The following ACSM1 variants were observed in gnomAD, a reference collection of about 807,000 sequenced individuals.
ACSM1 encodes the protein acyl-coenzyme A synthetase ACSM1, mitochondrial.
Under a neutral mutation model 75.8 loss-of-function variants are expected in ACSM1, and 79 were observed. The ratio of observed to expected loss-of-function variants is 1.04; its 90% CI spans 0.87 to 1.26. ACSM1 has a LOEUF of 1.26. Ranked by LOEUF, ACSM1 falls within the 50% of genes most tolerant of loss-of-function variation. The pLI is 0.00. For missense variants in ACSM1, 676 were observed against 720.1 expected (o/e 0.94, Z 0.70); for synonymous variants, 279 against 265.8 (o/e 1.05, Z -0.48).
At chr16:20,635,596 CTTTCTTTCTTTCTTTCTTT>C (rs1265727295) in intron 10 of ACSM1, among the ~76,000 whole-genome samples, 6 of 25,048 alleles carry the variant, frequency 2.4e-4, no homozygotes, top group African/African-American at 2.1e-3. Flanking sequence ...TTCTTTCTTT[CTTTCTTTCTTTCTTTCTTT>C]CTTTCTTTCT....
intron 4 of ACSM1, chr16:20,679,593 G>A (rs1450329297): frequency 6.6e-6 from 1 of 152,164 alleles, no homozygotes; most frequent in Non-Finnish European, 1.5e-5. Flanking sequence ...ATACACTAAT[G>A]TTGTTACCAT....
chr16:20,671,440 G>GACACACACACACACACACACAC, intron 5 of ACSM1, 91 bp downstream of exon 5: 1 of 969,886 alleles, frequency 1.0e-6, no homozygotes. Flanking sequence ...CCTTTCCCAA[G>GACACACACACACACACACACAC]ACACACACAC....
chr16:20,673,684 A>C (rs1385335543), intron 4 of ACSM1, among the ~76,000 whole-genome samples: 2 of 152,178 alleles, frequency 1.3e-5, no homozygotes, highest in Non-Finnish European at 2.9e-5. Context: ...GTTTGCTCCC[A>C]AAGCTACCTA....
chr16:20,628,182 G>A (rs1186511532), intron 10 of ACSM1, among the ~76,000 whole-genome samples: 2 of 151,926 alleles, frequency 1.3e-5, no homozygotes, highest in Non-Finnish European at 2.9e-5. Flanking sequence ...GTGGATCGAT[G>A]CCCTGTACTC....
At chr16:20,691,751 A>ACGTGTG (rs1453597498) in intron 1 of ACSM1, among the ~76,000 whole-genome samples, 10 of 134,106 alleles carry the variant, frequency 7.5e-5, no homozygotes, top group South Asian at 2.5e-4. Flanking sequence ...TACCTCTCCA[A>ACGTGTG]TGTGTGTGTG....
intron 7 of ACSM1, among the ~76,000 whole-genome samples, chr16:20,646,287 C>T (rs1346780988): frequency 6.6e-6 from 1 of 152,198 alleles, no homozygotes; most frequent in African/African-American, 2.4e-5. Flanking sequence ...AAGCCACCCC[C>T]TTGTCCATGC....
chr16:20,688,722 AG>A (rs2079598821), intron 2 of ACSM1, among the ~76,000 whole-genome samples: 1 of 152,044 alleles, frequency 6.6e-6, no homozygotes, highest in African/African-American at 2.4e-5. Context: ...GATAAACAAA[AG>A]TCAAAGTTCA....
At position 20,640,511 on chromosome 16, in the gene ACSM1, T is replaced by C. The variant is rs1420356887; in HGVS notation, c.1066A>G (p.Lys356Glu). Reference protein sequence around the residue: ...VVLPKDQEEWKRRTGLLLYEN... With the variant: ...VVLPKDQEEWERRTGLLLYEN... Reference sequence around the variant, plus strand: ...TAGAGCAGAAGGCCCGTCCGTCTTTTCCACTCCTCCTGATCCTTGGGCAAC... The same window carrying C: ...TAGAGCAGAAGGCCCGTCCGTCTTTCCCACTCCTCCTGATCCTTGGGCAAC... Residue 356 changes from lysine (K) to glutamate (E), a missense_variant, in exon 8 of 14, where the codon AAA (lysine) becomes GAA (glutamate). Lys to Glu is a moderately conservative substitution (Grantham distance 56). Transcript: ENST00000520010. The C allele has an allele frequency of 3.1e-6, 5 of 1,614,026 alleles. No individual in the cohort carries two copies. The East Asian group carries it at 8.9e-5, about 29-fold the overall frequency.
intron 2 of ACSM1, 26 bp from the exon 3 acceptor site, chr16:20,685,429 T>C (rs760682659): frequency 1.2e-6 from 2 of 1,610,286 alleles, no homozygotes; most frequent in South Asian, 2.2e-5. Context: ...TATTATGTGT[T>C]ATTTTCTGCT....
chr16:20,646,134 A>C lies in ACSM1; in HGVS notation c.993-5550T>G, dbSNP rs555959982. On this transcript the variant is annotated intron_variant, in intron 7 of 13. Transcript: ENST00000520010. ...AAACAGGATTAAAAATGAAAAAAAAACACCACTTTAGTCACAGCCTTCAGG... is the reference window on the plus strand; with the variant it reads ...AAACAGGATTAAAAATGAAAAAAAACCACCACTTTAGTCACAGCCTTCAGG... Among the ~76,000 whole-genome samples, 4 of 152,334 alleles carry C rather than the reference A, an allele frequency of 2.6e-5. No individual in the cohort carries two copies. The South Asian group carries it at 6.2e-4, about 24-fold the overall frequency.
intron 7 of ACSM1, among the ~76,000 whole-genome samples, chr16:20,649,525 A>G (rs2018535156): frequency 6.6e-6 from 1 of 152,134 alleles, no homozygotes; most frequent in African/African-American, 2.4e-5. Flanking sequence ...TAAATCCAGT[A>G]AGAAGCATTT....
intron 5 of ACSM1, among the ~76,000 whole-genome samples, chr16:20,670,664 C>A (rs1266618726): frequency 1.3e-5 from 2 of 152,206 alleles, no homozygotes; most frequent in African/African-American, 4.8e-5. Flanking sequence ...TGGTCCTTCA[C>A]CCTACACCCT....
intron 4 of ACSM1, among the ~76,000 whole-genome samples, chr16:20,675,453 T>C (rs1567300235): frequency 6.6e-6 from 1 of 152,148 alleles, no homozygotes; most frequent in Non-Finnish European, 1.5e-5. Context: ...GGCACGTTCC[T>C]GGCTAAGCAG....
intron 4 of ACSM1, among the ~76,000 whole-genome samples, chr16:20,677,068 A>G (rs1352260502): frequency 6.6e-6 from 1 of 151,994 alleles, no homozygotes; most frequent in Non-Finnish European, 1.5e-5. Flanking sequence ...TGCACTTCCT[A>G]CTCCAACCAC....
chr16:20,687,423 T>C (rs991843720), intron 2 of ACSM1, among the ~76,000 whole-genome samples: 2 of 152,044 alleles, frequency 1.3e-5, no homozygotes, highest in Non-Finnish European at 2.9e-5. Flanking sequence ...AGATAAATGC[T>C]AGAAAAGGCC....
At chr16:20,697,556 TACAC>T (rs57633278) in intron 1 of ACSM1, 76 bp downstream of exon 1, 19,762 of 139,306 alleles carry the variant, frequency 0.14, 1,428 homozygotes, top group African/African-American at 0.18. Context: ...AAAATTGGAT[TACAC>T]ACACACACAC....
At chr16:20,636,092 A>G (rs1315742195) in intron 10 of ACSM1, among the ~76,000 whole-genome samples, 7 of 152,216 alleles carry the variant, frequency 4.6e-5, no homozygotes, top group Non-Finnish European at 1.0e-4. Context: ...ACAGCCGCCA[A>G]TGAAAGTGTC....
rs374754396 is a variant in ACSM1, at chr16:20,640,442, T to A, written c.1116+19A>T. The A allele has an allele frequency of 1.9e-6, 3 of 1,613,962 alleles. No homozygotes were observed. In the African/African-American group the frequency reaches 4.0e-5, roughly 22 times the overall value. On this transcript the variant is annotated intron_variant, in intron 8 of 13. Coordinates refer to ENST00000520010, the MANE Select transcript of ACSM1 (RefSeq NM_001318890.3). ...TAATTGAGACCTGTCTCAGACACTT[T>A]CTGGTTTGCACCACCTACCGTTTCC...
chr16:20,668,759 G>A (rs1366239479), intron 6 of ACSM1, among the ~76,000 whole-genome samples: 1 of 152,142 alleles, frequency 6.6e-6, no homozygotes, highest in African/African-American at 2.4e-5. Flanking sequence ...TGAAGCAGAG[G>A]TGGCTGCAGC....
Sources: gnomAD v4.1 joint callset for allele counts (sites outside exome capture counted in the v4.1 genomes callset) on GRCh38, gnomAD v4.1.1 for gene constraint, MANE v1.5 for transcripts, NCBI Gene and HGNC (gene_info 2026-07-23, HGNC 2026-07-21) for gene names.